NUGGC: variants seen among roughly 807,000 people sequenced by gnomAD.
The protein encoded by NUGGC is nuclear GTPase SLIP-GC.
Under a neutral mutation model 92.6 loss-of-function variants are expected in NUGGC, and 58 were observed. The observed-to-expected ratio is 0.63, with a 90% CI of 0.51 to 0.78. The LOEUF is 0.78. Ranked by LOEUF, NUGGC falls within the 30% of genes least tolerant of loss-of-function variation. The pLI is 0.00. For synonymous variants in NUGGC, 376 were observed against 366.4 expected, an observed-to-expected ratio of 1.03 and a Z score of -0.30; for missense variants, 925 against 964.6, an observed-to-expected ratio of 0.96 and a Z score of 0.54.
At chr8:28,032,843 C>G (rs576648072) in intron 14 of NUGGC, among the ~76,000 whole-genome samples, 6 of 151,972 alleles carry the variant, frequency 3.9e-5, no homozygotes, top group African/African-American at 1.4e-4. Context: ...CAGAAACAGA[C>G]ACAGCATCTT....
intron 1 of NUGGC, among the ~76,000 whole-genome samples, chr8:28,078,381 G>A (rs932014576): frequency 1.7e-4 from 26 of 152,290 alleles, no homozygotes; most frequent in African/African-American, 5.8e-4. Flanking sequence ...AAGGAAAAGC[G>A]ATAAACAAAT....
At chr8:28,073,601 C>T (rs1304491143) in intron 2 of NUGGC, among the ~76,000 whole-genome samples, 1 of 152,174 alleles carries the variant, frequency 6.6e-6, no homozygotes, top group Non-Finnish European at 1.5e-5. Flanking sequence ...AGGGAAGCCT[C>T]CCTTATTGGC....
At chr8:28,037,374 C>T (rs1198666486) in intron 13 of NUGGC, among the ~76,000 whole-genome samples, 1 of 152,294 alleles carries the variant, frequency 6.6e-6, no homozygotes, top group Non-Finnish European at 1.5e-5. Context: ...CTGGCTCCCA[C>T]ATGAGCTCTG....
intron 2 of NUGGC, among the ~76,000 whole-genome samples, chr8:28,073,080 G>T (rs946047253): frequency 2.0e-5 from 3 of 151,080 alleles, no homozygotes; most frequent in African/African-American, 7.3e-5. Flanking sequence ...ACGGCTCACT[G>T]CAGCCTCAAC....
chr8:28,026,407 TG>T (rs1193594004), intron 18 of NUGGC, among the ~76,000 whole-genome samples: 1 of 152,202 alleles, frequency 6.6e-6, no homozygotes, highest in Non-Finnish European at 1.5e-5. Flanking sequence ...GAAAGGGACA[TG>T]GTTGCCTACA....
At chr8:28,034,109 AATGAATGAATGACAACGTGCT>A (rs1184691479) in intron 13 of NUGGC, among the ~76,000 whole-genome samples, 1 of 152,258 alleles carries the variant, frequency 6.6e-6, no homozygotes, top group Non-Finnish European at 1.5e-5. Context: ...CGACTAAATA[AATGAATGAATGACAACGTGCT>A]ATGACCGGAC....
chr8:28,042,121 A>C (rs73570994), intron 12 of NUGGC, among the ~76,000 whole-genome samples: 7,116 of 152,186 alleles, frequency 0.047, 574 homozygotes, highest in African/African-American at 0.16. Flanking sequence ...TTTTGCCCAC[A>C]ATGATTGTGA....
intron 10 of NUGGC, among the ~76,000 whole-genome samples, 188 bp downstream of exon 10, chr8:28,055,777 G>A (rs1810117952): frequency 6.6e-6 from 1 of 152,210 alleles, no homozygotes. Context: ...AGGTTGCAGT[G>A]AGTCAAGATC....
At chr8:28,076,156 A>T (rs1259077270) in intron 1 of NUGGC, among the ~76,000 whole-genome samples, 3 of 152,076 alleles carry the variant, frequency 2.0e-5, no homozygotes, top group African/African-American at 7.2e-5. Context: ...AGAGGACTGC[A>T]TTTTTTTCAG....
chr8:28,053,031 G>T (rs1214115030), intron 10 of NUGGC, among the ~76,000 whole-genome samples: 1 of 152,058 alleles, frequency 6.6e-6, no homozygotes, highest in East Asian at 1.9e-4. Context: ...GTAGATGAAG[G>T]TGGGTTGTGT....
intron 11 of NUGGC, among the ~76,000 whole-genome samples, chr8:28,046,057 A>T: frequency 6.6e-6 from 1 of 152,102 alleles, no homozygotes; most frequent in African/African-American, 2.4e-5. Context: ...CCTTAACACC[A>T]GAATAGCCCA....
intron 18 of NUGGC, among the ~76,000 whole-genome samples, chr8:28,024,349 C>T (rs1480552333): frequency 1.3e-5 from 2 of 151,996 alleles, no homozygotes; most frequent in Non-Finnish European, 2.9e-5. Flanking sequence ...CCGGCCAAGC[C>T]TTGGTTGGGC....
chr8:28,035,577 C>A (rs983311329), intron 13 of NUGGC, among the ~76,000 whole-genome samples: 1 of 152,138 alleles, frequency 6.6e-6, no homozygotes, highest in African/African-American at 2.4e-5. Context: ...CAAAGGCGTC[C>A]CCCTGAGAAA....
At chr8:28,044,823 A>G (rs1350663865) in intron 12 of NUGGC, among the ~76,000 whole-genome samples, 2 of 152,206 alleles carry the variant, frequency 1.3e-5, no homozygotes, top group Non-Finnish European at 2.9e-5. Flanking sequence ...TTGTCTTTGC[A>G]TATTCTATCT....
At chr8:28,069,141 C>T (rs995820717) in intron 4 of NUGGC, among the ~76,000 whole-genome samples, 3 of 152,092 alleles carry the variant, frequency 2.0e-5, no homozygotes, top group African/African-American at 4.8e-5. Context: ...CAGCACCACT[C>T]GAGTCCTTCA....
Position 28,033,608 on chromosome 8 carries a change from A to C in NUGGC, c.1701T>G (p.Ile567Met). The C allele has an allele frequency of 6.2e-7, 1 of 1,614,028 alleles. No homozygotes were observed. The highest frequency in any genetic ancestry group is 1.1e-5 in the South Asian group (1 of 91,074). The change falls in exon 14 of 19, where the codon ATT becomes ATG. Residue 567 changes from isoleucine (I) to methionine (M), a missense_variant. By Grantham distance (10) the Ile-to-Met change is conservative (BLOSUM62 1). Transcript: ENST00000413272. ...GCTGAGTGAGGGCTTCATTTAGATC[A>C]ATTCTCGCCAGAGTCCTGGAGGCAT... ...GIYASRTLAR[I>M]DLNEALTQPV...
chr8:28,055,328 C>T (rs1315644648), intron 10 of NUGGC, among the ~76,000 whole-genome samples: 15 of 152,130 alleles, frequency 9.9e-5, no homozygotes, highest in Admixed American at 9.8e-4. Context: ...TCCCACCTCT[C>T]CTGCCACCAG....
intron 1 of NUGGC, among the ~76,000 whole-genome samples, chr8:28,077,838 A>G (rs970327937): frequency 5.9e-5 from 9 of 152,238 alleles, no homozygotes; most frequent in Non-Finnish European, 1.3e-4. Flanking sequence ...AGTTGATAAG[A>G]GTCGTGGTCA....
chr8:28,083,217 C>A (rs898432149), intron 1 of NUGGC, among the ~76,000 whole-genome samples: 2 of 152,146 alleles, frequency 1.3e-5, no homozygotes, highest in Non-Finnish European at 2.9e-5. Flanking sequence ...TGGTCAAGGT[C>A]AACACCAACA....
Sources: gnomAD v4.1 joint callset for allele counts (sites outside exome capture counted in the v4.1 genomes callset) on GRCh38, gnomAD v4.1.1 for gene constraint, MANE v1.5 for transcripts, NCBI Gene and HGNC (gene_info 2026-07-23, HGNC 2026-07-21) for gene names.